Variants in NEU3 observed in about 807,000 individuals in gnomAD.
NEU3 encodes neuraminidase 3, also known as sialidase-3.
NEU3 carries 10 observed loss-of-function variants against 11.4 expected under a neutral mutation model. That is an observed-to-expected ratio of 0.88 (90% confidence interval 0.54 to 1.49). The LOEUF (loss-of-function observed/expected upper bound fraction) is 1.49. NEU3 is among the 40% of genes most tolerant of loss of function. The pLI is 0.00. For missense variants in NEU3, 529 were observed against 581.8 expected, an observed-to-expected ratio of 0.91 and a Z score of 0.93; for synonymous variants, 212 against 228.2, an observed-to-expected ratio of 0.93 and a Z score of 0.64.
chr11:74,988,798 C>T, upstream of NEU3: 1 of 500,088 alleles, frequency 2.0e-6, no homozygotes, highest in Non-Finnish European at 3.5e-6. Context: ...GGGGACCGAG[C>T]TGCGGGCTGG....
chr11:74,984,438 C>T (rs1361229182), upstream of NEU3, among the ~76,000 whole-genome samples: 1 of 152,178 alleles, frequency 6.6e-6, no homozygotes, highest in Non-Finnish European at 1.5e-5. Flanking sequence ...GGAACAAATG[C>T]TGGTACTCTG....
chr11:74,989,140 C>CGG lies in NEU3; in HGVS notation c.83_84dup (p.Ser29GlyfsTer10). ...TCTGCCCCGACAGAGACGGAGGAGC[C>CGG]GGGGTCCAGTGCAGGTGAGCGGGGT... is the stretch of plus-strand genomic sequence containing the variant. On this transcript the variant is annotated frameshift_variant, in exon 1 of 3. Coordinates refer to ENST00000294064, the MANE Select transcript of NEU3 (RefSeq NM_006656.6). LOFTEE classifies it high-confidence loss of function. The CGG allele has an allele frequency of 6.4e-7, 1 of 1,551,064 alleles. No individual in the cohort carries two copies. The highest frequency in any genetic ancestry group is 8.7e-7 in the Non-Finnish European group (1 of 1,146,826).
chr11:75,003,954 AT>A (rs1473249585), intron 2 of NEU3, among the ~76,000 whole-genome samples: 2 of 152,038 alleles, frequency 1.3e-5, no homozygotes, highest in African/African-American at 4.8e-5. Flanking sequence ...TCCCCCATGT[AT>A]TGCATGTTCA....
At chr11:75,015,186 G>T (rs955242493), downstream of NEU3, among the ~76,000 whole-genome samples, 2 of 152,116 alleles carry the variant, frequency 1.3e-5, no homozygotes, top group Non-Finnish European at 2.9e-5. Flanking sequence ...CAATGGGATT[G>T]GTGACCTTAT....
chr11:75,015,333 A>T (rs1395805202), downstream of NEU3, among the ~76,000 whole-genome samples: 1 of 152,216 alleles, frequency 6.6e-6, no homozygotes, highest in African/African-American at 2.4e-5. Flanking sequence ...TATACTTTTC[A>T]GCCTCCAGAA....
chr11:74,995,544 A>G (rs2140238884), intron 2 of NEU3, among the ~76,000 whole-genome samples: 1 of 152,350 alleles, frequency 6.6e-6, no homozygotes, highest in Non-Finnish European at 1.5e-5. Flanking sequence ...GACTATCACA[A>G]TAAAACAAGA....
rs180838044 is a variant in NEU3 at position 74,998,522 on chromosome 11, A to G, written c.306+3802A>G. Among the ~76,000 whole-genome samples, 4 of 152,290 alleles carry G rather than the reference A, an allele frequency of 2.6e-5. No individual in the cohort carries two copies. The East Asian group carries it at 7.7e-4, about 29-fold the overall frequency. On this transcript the variant is annotated intron_variant, in intron 2 of 2. Transcript: ENST00000294064. ...TGTAAAAAAAATATATAGTTGTGTC[A>G]TCTCTCTATATCTACATAGTAGGCA...
At chr11:74,999,036 A>T (rs1948818689) in intron 2 of NEU3, among the ~76,000 whole-genome samples, 2 of 152,040 alleles carry the variant, frequency 1.3e-5, no homozygotes, top group Admixed American at 1.3e-4. Context: ...GCTGGTCTTG[A>T]ACTCCTGGCT....
At chr11:74,999,449 A>G (rs1297045226) in intron 2 of NEU3, among the ~76,000 whole-genome samples, 3 of 152,212 alleles carry the variant, frequency 2.0e-5, no homozygotes, top group Non-Finnish European at 4.4e-5. Flanking sequence ...TTGAAGTTAG[A>G]AGAATCATGA....
intron 2 of NEU3, 52 bp from the exon 3 acceptor site, chr11:75,005,361 C>T: frequency 6.8e-7 from 1 of 1,467,680 alleles, no homozygotes; most frequent in South Asian, 1.4e-5. Flanking sequence ...TAATGAGCTT[C>T]ATGTTTTCCT....
chr11:74,996,438 A>G (rs1948791460), intron 2 of NEU3, among the ~76,000 whole-genome samples: 1 of 152,222 alleles, frequency 6.6e-6, no homozygotes, highest in African/African-American at 2.4e-5. Context: ...GAAGCAACTC[A>G]TTTATTCAAG....
chr11:74,985,445 G>T (rs1452169048), upstream of NEU3, among the ~76,000 whole-genome samples: 1 of 152,060 alleles, frequency 6.6e-6, no homozygotes, highest in Non-Finnish European at 1.5e-5. Flanking sequence ...CAGATATATA[G>T]AGACATATAT....
chr11:74,983,600 C>T (rs1325433552), upstream of NEU3, among the ~76,000 whole-genome samples: 1 of 152,244 alleles, frequency 6.6e-6, no homozygotes, highest in Non-Finnish European at 1.5e-5. Context: ...TTTATGCATA[C>T]TGCAGGCAGT....
chr11:74,992,296 G>A (rs1948741314), intron 1 of NEU3, among the ~76,000 whole-genome samples: 1 of 152,190 alleles, frequency 6.6e-6, no homozygotes, highest in Non-Finnish European at 1.5e-5. Context: ...ATTACATCAT[G>A]TTATAATTGT....
upstream of NEU3, chr11:74,988,791 G>A (rs1221988691): frequency 1.0e-5 from 5 of 501,706 alleles, no homozygotes; most frequent in East Asian, 1.2e-4. Context: ...CCGTGGTGGG[G>A]ACCGAGCTGC....
upstream of NEU3, among the ~76,000 whole-genome samples, chr11:74,987,621 G>A (rs1036003825): frequency 2.6e-5 from 4 of 152,014 alleles, no homozygotes; most frequent in African/African-American, 9.7e-5. Context: ...AGATCATCCT[G>A]GCTAACATGG....
rs1948930025 is a variant in NEU3 at position 75,009,145 on chromosome 11, GC to G, written c.*2654del. 6.6e-6 allele frequency: 1 copy of G among 152,308 alleles called. No homozygotes were observed. Among genetic ancestry groups the G allele is most frequent in the South Asian group, 2.1e-4 (1 of 4,822 alleles). The allele number at this position is 152,308 out of a possible 1,614,324, so 9.4% of individuals were successfully genotyped here. On this transcript the variant is annotated 3_prime_UTR_variant, in exon 3 of 3. Coordinates refer to ENST00000294064, the MANE Select transcript of NEU3 (RefSeq NM_006656.6). ...TGAGAAAGGAACAGAGTGGGTGATG[GC>G]AGCTATGAAGAAAAAACAGATCAGA...
chr11:75,006,621 C>A lies in NEU3; in HGVS notation c.*129C>A. The A allele has an allele frequency of 8.5e-7, 1 of 1,176,492 alleles. No individual in the cohort carries two copies. Among genetic ancestry groups the A allele is most frequent in the Non-Finnish European group, 1.2e-6 (1 of 864,996 alleles). The allele number at this position is 1,176,492 out of a possible 1,614,324, so 72.9% of individuals were successfully genotyped here. A position where few individuals can be genotyped will look rare whatever the true frequency, so the allele number is the denominator to read the frequency against. ...CTACCTTTTTTCACTTTTCCTCCTC[C>A]AAAGAGCAAAATGAAAATTTTGCCT... On this transcript the variant is annotated 3_prime_UTR_variant, in exon 3 of 3. Coordinates refer to ENST00000294064, the MANE Select transcript of NEU3 (RefSeq NM_006656.6).
intron 3 of NEU3, among the ~76,000 whole-genome samples, chr11:75,016,443 T>C (rs2140260057): frequency 6.6e-6 from 1 of 152,282 alleles, no homozygotes; most frequent in East Asian, 1.9e-4. Context: ...AAAGCTCAGG[T>C]TTCTGTTTTG....
Sources: allele counts gnomAD v4.1 joint callset (sites outside exome capture counted in the v4.1 genomes callset), GRCh38; gene constraint gnomAD v4.1.1; transcripts MANE v1.5; gene names NCBI Gene and HGNC (gene_info 2026-07-23, HGNC 2026-07-21).